ATP13A4: variants seen among roughly 807,000 people sequenced by gnomAD.
ATP13A4 encodes the protein probable cation-transporting ATPase 13A4.
ATP13A4 carries 114 observed loss-of-function variants against 142.5 expected under a neutral mutation model. That is an observed-to-expected ratio of 0.80 (90% CI 0.69 to 0.93). The LOEUF is 0.93. Ranked by LOEUF, ATP13A4 falls within the 40% of genes least tolerant of loss-of-function variation. The pLI is 0.00. For synonymous variants in ATP13A4, 488 were observed against 514.8 expected, an observed-to-expected ratio of 0.95 and a Z score of 0.70; for missense variants, 1,392 against 1,454.0, an observed-to-expected ratio of 0.96 and a Z score of 0.69.
chr3:193,418,187 G>A (rs1236397780), intron 25 of ATP13A4, among the ~76,000 whole-genome samples: 3 of 129,100 alleles, frequency 2.3e-5, no homozygotes, highest in Non-Finnish European at 4.7e-5. Context: ...CGAGGTGGCG[G>A]GCACCTGTAG....
chr3:193,450,967 G>C, intron 17 of ATP13A4, among the ~76,000 whole-genome samples: 1 of 152,152 alleles, frequency 6.6e-6, no homozygotes, highest in East Asian at 1.9e-4. Flanking sequence ...ACCACCACTG[G>C]AGTATAGGAA....
At chr3:193,566,752 T>C (rs924327686) in intron 2 of ATP13A4, among the ~76,000 whole-genome samples, 1 of 152,222 alleles carries the variant, frequency 6.6e-6, no homozygotes, top group Non-Finnish European at 1.5e-5. Flanking sequence ...GCCCTGTCTC[T>C]GACCCCAAAT....
chr3:193,403,689 C>T (rs369975491), intron 29 of ATP13A4: 1 of 898,550 alleles, frequency 1.1e-6, no homozygotes, highest in Middle Eastern at 5.7e-4. Context: ...TTAGAGTGAG[C>T]CTTGAATAGA....
chr3:193,420,606 C>T (rs752086616), intron 25 of ATP13A4, among the ~76,000 whole-genome samples: 1 of 149,254 alleles, frequency 6.7e-6, no homozygotes, highest in Non-Finnish European at 1.5e-5. Context: ...TACAGATAGA[C>T]AAATTAGGAA....
intron 14 of ATP13A4, among the ~76,000 whole-genome samples, chr3:193,458,031 G>T (rs1717738020): frequency 6.6e-6 from 1 of 152,198 alleles, no homozygotes; most frequent in Non-Finnish European, 1.5e-5. Context: ...TGGCTGACAA[G>T]GTCCCAGAGA....
At chr3:193,559,755 T>C (rs1205185143), upstream of ATP13A4, among the ~76,000 whole-genome samples, 1 of 152,190 alleles carries the variant, frequency 6.6e-6, no homozygotes, top group Non-Finnish European at 1.5e-5. Context: ...TGGGGTGGCC[T>C]GTTGTTTCCC....
intron 1 of ATP13A4, among the ~76,000 whole-genome samples, chr3:193,537,852 A>C (rs1722669231): frequency 1.3e-5 from 2 of 152,324 alleles, no homozygotes; most frequent in South Asian, 4.1e-4. Flanking sequence ...CCAGTGTTAA[A>C]GGTTACGTCC....
At chr3:193,424,433 A>G (rs1244774794) in intron 25 of ATP13A4, among the ~76,000 whole-genome samples, 1 of 149,828 alleles carries the variant, frequency 6.7e-6, no homozygotes, top group African/African-American at 2.4e-5. Flanking sequence ...TTTAAAATAT[A>G]CTACAAAACT....
At chr3:193,547,834 T>C (rs2108725168) in intron 1 of ATP13A4, among the ~76,000 whole-genome samples, 1 of 152,278 alleles carries the variant, frequency 6.6e-6, no homozygotes, top group East Asian at 1.9e-4. Flanking sequence ...TTCTTAATAA[T>C]TGTTGAACAA....
chr3:193,501,707 A>T (rs1304207870), intron 3 of ATP13A4, among the ~76,000 whole-genome samples: 1 of 152,136 alleles, frequency 6.6e-6, no homozygotes, highest in Non-Finnish European at 1.5e-5. Context: ...TAAACAGCTG[A>T]CCACACATAC....
rs576778357 is a variant in ATP13A4, at chr3:193,456,455, G to C, written c.1915+545C>G. On this transcript the variant is annotated intron_variant, in intron 16 of 29. Coordinates refer to ENST00000342695, the MANE Select transcript of ATP13A4 (RefSeq NM_032279.4). Reference sequence around the variant, plus strand: ...GAAGACTTAGTTCAGCTCAGGAAAAGCACAGGATGAGGAGTGGTAAGGCCC... The same window carrying C: ...GAAGACTTAGTTCAGCTCAGGAAAACCACAGGATGAGGAGTGGTAAGGCCC... Among the ~76,000 whole-genome samples, 4 of 152,308 alleles carry C rather than the reference G, an allele frequency of 2.6e-5. 1 individual carries two copies. The South Asian group carries it at 8.3e-4, about 32-fold the overall frequency.
At chr3:193,571,212 AG>A (rs1724256803) in intron 2 of ATP13A4, among the ~76,000 whole-genome samples, 1 of 143,994 alleles carries the variant, frequency 6.9e-6, no homozygotes, top group African/African-American at 2.6e-5. Flanking sequence ...TGGGAGGTGG[AG>A]GTTGCCAGTG....
intron 1 of ATP13A4, among the ~76,000 whole-genome samples, chr3:193,516,700 T>C (rs1374547357): frequency 6.6e-6 from 1 of 152,188 alleles, no homozygotes; most frequent in Non-Finnish European, 1.5e-5. Context: ...AAAAGTTTCC[T>C]TATATTGCCA....
At chr3:193,422,228 T>G (rs1715441454) in intron 25 of ATP13A4, among the ~76,000 whole-genome samples, 1 of 149,632 alleles carries the variant, frequency 6.7e-6, no homozygotes, top group Non-Finnish European at 1.5e-5. Flanking sequence ...CGTAAATATA[T>G]AAAGCAAATG....
chr3:193,456,853 T>C (rs773732552), intron 16 of ATP13A4, 147 bp downstream of exon 16: 3 of 1,004,616 alleles, frequency 3.0e-6, no homozygotes, highest in Non-Finnish European at 4.5e-6. Context: ...AAAGACACGC[T>C]TGGTTTTCGT....
intron 15 of ATP13A4, 103 bp from the exon 16 acceptor site, chr3:193,457,256 A>G (rs908749138): frequency 1.0e-4 from 159 of 1,574,246 alleles, no homozygotes; most frequent in Non-Finnish European, 1.3e-4. Context: ...AATAAGGGGG[A>G]AGGTCTCACC....
At chr3:193,437,294 A>G (rs1028467568) in intron 23 of ATP13A4, among the ~76,000 whole-genome samples, 2 of 151,840 alleles carry the variant, frequency 1.3e-5, no homozygotes, top group African/African-American at 4.8e-5. Context: ...TTCCACCTAT[A>G]TAGCCATCTT....
At position 193,563,952 on chromosome 3, in the gene ATP13A4, G is replaced by A. The variant is rs375865660; in HGVS notation, n.291+17755C>T. Among the ~76,000 whole-genome samples, 32 of 152,164 alleles carry A rather than the reference G, an allele frequency of 2.1e-4. 1 individual carries two copies. In the East Asian group the frequency reaches 2.5e-3, roughly 12 times the overall value. On this transcript the variant is annotated intron_variant and non_coding_transcript_variant, in intron 2 of 3. Coordinates refer to the ATP13A4 transcript ENST00000489140. ...GTTACCTTCTAACACTTCTAAATTA[G>A]TATTAGAAGTTGAACAGTACTTGAG...
At position 193,549,825 on chromosome 3, in the gene ATP13A4, C is replaced by CA. The variant is rs985805694; in HGVS notation, c.60+4914dup. Among the ~76,000 whole-genome samples, 155 of 151,212 alleles carry CA rather than the reference C, an allele frequency of 1.0e-3. 1 individual carries two copies. The highest frequency in any genetic ancestry group is 2.9e-4 in the African/African-American group (12 of 41,234). Reference sequence around the variant, plus strand: ...CCAACCCAGACAGAGACCCTTTCTCCAAAAAAAACTAACATGAAAAAGATA... The same window carrying CA: ...CCAACCCAGACAGAGACCCTTTCTCCAAAAAAAAACTAACATGAAAAAGATA... On this transcript the variant is annotated intron_variant, in intron 1 of 29. Transcript: ENST00000342695.
Sources: allele counts gnomAD v4.1 joint callset (sites outside exome capture counted in the v4.1 genomes callset), GRCh38; gene constraint gnomAD v4.1.1; transcripts MANE v1.5; gene names NCBI Gene and HGNC (gene_info 2026-07-23, HGNC 2026-07-21).